Variants in FTO observed in about 807,000 individuals in gnomAD.
FTO encodes FTO alpha-ketoglutarate dependent dioxygenase, also known as alpha-ketoglutarate-dependent dioxygenase FTO.
Under a neutral mutation model 63.9 loss-of-function variants are expected in FTO, and 47 were observed. The ratio of observed to expected loss-of-function variants is 0.74; its 90% CI spans 0.58 to 0.94. The LOEUF is 0.94. Ranked by LOEUF, FTO falls within the 40% of genes least tolerant of loss-of-function variation. FTO has a pLI of 0.00. For synonymous variants in FTO, 207 were observed against 224.4 expected (o/e 0.92, Z 0.69); for missense variants, 562 against 618.1 (o/e 0.91, Z 0.96).
At chr16:54,007,104 A>G (rs767134110) in intron 8 of FTO, among the ~76,000 whole-genome samples, 1 of 152,250 alleles carries the variant, frequency 6.6e-6, no homozygotes, top group African/African-American at 2.4e-5. Context: ...GATGCATTTC[A>G]TACTATTAAG....
chr16:53,810,039 T>C, intron 1 of FTO, 101 bp from the exon 2 acceptor site: 2 of 728,124 alleles, frequency 2.7e-6, no homozygotes, highest in Non-Finnish European at 4.9e-6. Flanking sequence ...AAATTCAAAG[T>C]TGGCTAAAAT....
intron 1 of FTO, among the ~76,000 whole-genome samples, chr16:53,803,544 A>C (rs2078279925): frequency 6.6e-6 from 1 of 152,236 alleles, no homozygotes; most frequent in South Asian, 2.1e-4. Flanking sequence ...TTTAATTAAA[A>C]ACTTTTAAAA....
intron 1 of FTO, among the ~76,000 whole-genome samples, chr16:53,776,720 C>T (rs768316606): frequency 3.3e-5 from 5 of 152,102 alleles, no homozygotes; most frequent in Non-Finnish European, 7.4e-5. Flanking sequence ...TACTTTTCTG[C>T]ACATCTCTTT....
chr16:54,063,752 C>T (rs1454680321), intron 8 of FTO: 7 of 142,828 alleles, frequency 4.9e-5, no homozygotes, highest in South Asian at 2.2e-4. Flanking sequence ...GTAGCTATAT[C>T]GGGGATCCAA....
intron 8 of FTO, among the ~76,000 whole-genome samples, chr16:53,971,393 C>T (rs984633323): frequency 6.6e-6 from 1 of 152,170 alleles, no homozygotes; most frequent in Non-Finnish European, 1.5e-5. Context: ...CTGCAATCAG[C>T]AAAGTATACA....
intron 3 of FTO, among the ~76,000 whole-genome samples, chr16:53,842,228 G>T (rs2079498430): frequency 6.6e-6 from 1 of 152,118 alleles, no homozygotes; most frequent in East Asian, 1.9e-4. Context: ...TAGTACAGCA[G>T]TTTAAAGTGT....
At chr16:54,028,026 A>AT (rs2084752627) in intron 8 of FTO, among the ~76,000 whole-genome samples, 2 of 151,924 alleles carry the variant, frequency 1.3e-5, no homozygotes, top group South Asian at 4.1e-4. Context: ...CTTTTTTTAA[A>AT]TTTTGGCTTC....
Position 54,119,715 on chromosome 16 carries a change from G to A in FTO, c.*7800G>A, listed in dbSNP as rs943560380. On this transcript the variant is annotated 3_prime_UTR_variant, in exon 9 of 9. Coordinates refer to ENST00000471389, the MANE Select transcript of FTO (RefSeq NM_001080432.3). ...GAATGATCTGTCAGAAGCCATTAAA[G>A]CCCCCATTAGCTTGAATGCATTCAA... The A allele has an allele frequency of 6.6e-6, 1 of 152,096 alleles. No individual in the cohort carries two copies. Among genetic ancestry groups the A allele is most frequent in the Non-Finnish European group, 1.5e-5 (1 of 68,024 alleles). 9.4% of individuals were successfully genotyped at this position (152,096 alleles called of 1,614,324 possible).
intron 4 of FTO, among the ~76,000 whole-genome samples, chr16:53,855,996 T>G (rs2079979993): frequency 6.6e-6 from 1 of 152,226 alleles, no homozygotes; most frequent in Admixed American, 6.5e-5. Flanking sequence ...GCATCTGAGT[T>G]TGGTGGTGGA....
chr16:53,925,070 A>G (rs1418568753), intron 7 of FTO, among the ~76,000 whole-genome samples: 1 of 119,144 alleles, frequency 8.4e-6, no homozygotes, highest in Non-Finnish European at 1.7e-5. Context: ...TTTTTTTTGT[A>G]AAAAAAAAAA....
Position 54,111,988 on chromosome 16 carries a change from C to G in FTO, c.*73C>G. ...CCTCCAACGTTGTCATGGGCTTAAG[C>G]AAGAGCAGTGGAGACTTCTCTTGGC... On this transcript the variant is annotated 3_prime_UTR_variant, in exon 9 of 9. Transcript: ENST00000471389. 1 of 1,553,578 alleles carries G rather than the reference C, an allele frequency of 6.4e-7. No individual in the cohort carries two copies. Among genetic ancestry groups the G allele is most frequent in the Non-Finnish European group, 8.9e-7 (1 of 1,127,066 alleles).
At chr16:54,015,446 G>GT (rs1290765459) in intron 8 of FTO, among the ~76,000 whole-genome samples, 2 of 152,196 alleles carry the variant, frequency 1.3e-5, no homozygotes, top group African/African-American at 4.8e-5. Flanking sequence ...GAAGCAATCA[G>GT]TTTTCAAAAG....
chr16:54,077,662 C>G (rs547412163), intron 8 of FTO, among the ~76,000 whole-genome samples: 1 of 152,142 alleles, frequency 6.6e-6, no homozygotes, highest in Non-Finnish European at 1.5e-5. Flanking sequence ...CTCAGTCAGG[C>G]AGGCAAGTGT....
Position 53,896,507 on chromosome 16 carries a change from C to T in FTO, c.1239+7556C>T, listed in dbSNP as rs549409171. On this transcript the variant is annotated intron_variant, in intron 7 of 8. Transcript: ENST00000471389. ...GGAAAACAAGATTTCCAAAGGATGT[C>T]GTGCCATTTATTTGGAATATTATCA... 3.9e-5 allele frequency among the ~76,000 whole-genome samples: 6 copies of T among 152,116 alleles called. No individual in the cohort carries two copies. The East Asian group carries it at 5.8e-4, about 15-fold the overall frequency.
chr16:53,950,750 GTCT>G (rs2082775941), intron 8 of FTO, among the ~76,000 whole-genome samples: 1 of 152,148 alleles, frequency 6.6e-6, no homozygotes, highest in Non-Finnish European at 1.5e-5. Context: ...ATGTTTTACT[GTCT>G]TTCCCATAGT....
At chr16:54,080,330 A>G (rs59134332) in intron 8 of FTO, among the ~76,000 whole-genome samples, 5,746 of 152,266 alleles carry the variant, frequency 0.038, 237 homozygotes, top group African/African-American at 0.098. Context: ...AAAATATTCT[A>G]CTAATAATAA....
intron 8 of FTO, among the ~76,000 whole-genome samples, chr16:53,973,812 A>G (rs546985798): frequency 6.6e-6 from 1 of 152,348 alleles, no homozygotes; most frequent in South Asian, 2.1e-4. Context: ...ATGGGCATAT[A>G]CATTTTTCAA....
chr16:53,769,781 G>A (rs953626989), intron 1 of FTO, among the ~76,000 whole-genome samples: 2 of 152,094 alleles, frequency 1.3e-5, no homozygotes, highest in African/African-American at 4.8e-5. Flanking sequence ...TTATGTAACA[G>A]TAATGAGTAG....
At chr16:53,752,782 G>A (rs1206662006) in intron 1 of FTO, among the ~76,000 whole-genome samples, 1 of 152,146 alleles carries the variant, frequency 6.6e-6, no homozygotes, top group Non-Finnish European at 1.5e-5. Context: ...TGGCTTGCAA[G>A]GGTCAATATC....
Sources: allele counts gnomAD v4.1 joint callset (sites outside exome capture counted in the v4.1 genomes callset), GRCh38; gene constraint gnomAD v4.1.1; transcripts MANE v1.5; gene names NCBI Gene and HGNC (gene_info 2026-07-23, HGNC 2026-07-21).